RPL34: variants seen among roughly 807,000 people sequenced by gnomAD.
The protein encoded by RPL34 is large ribosomal subunit protein eL34.
A neutral mutation model predicts 16.3 loss-of-function variants in RPL34; 2 were observed. The observed-to-expected ratio is 0.12, with a 90% CI of 0.05 to 0.39. The LOEUF is 0.39. Among genes scored for constraint, RPL34 ranks in the 10% least tolerant of loss-of-function variants. The probability of loss-of-function intolerance (pLI) is 0.99; values close to 1 mark genes in which losing one functional copy is unlikely to be tolerated. For synonymous variants in RPL34, 47 were observed against 48.5 expected (o/e 0.97, Z 0.13); for missense variants, 82 against 148.8 (o/e 0.55, Z 2.33).
chr4:108,629,729 C>A (rs1231956932), downstream of RPL34, among the ~76,000 whole-genome samples: 3 of 152,278 alleles, frequency 2.0e-5, no homozygotes, highest in African/African-American at 7.2e-5. Context: ...TGAAAGGGTT[C>A]TTTTACCCTT....
intron 1 of RPL34, chr4:108,621,342 A>G (rs1189658283): frequency 6.5e-6 from 1 of 153,394 alleles, no homozygotes; most frequent in Admixed American, 6.5e-5. Flanking sequence ...AAGTGGGAAG[A>G]AAGCAGGTGC....
intron 4 of RPL34, among the ~76,000 whole-genome samples, chr4:108,624,158 A>G (rs1249699347): frequency 6.6e-6 from 1 of 152,194 alleles, no homozygotes; most frequent in Non-Finnish European, 1.5e-5. Flanking sequence ...TATCTCCTGA[A>G]GATTTGAATT....
downstream of RPL34, among the ~76,000 whole-genome samples, chr4:108,626,660 A>G (rs1213197639): frequency 3.9e-5 from 6 of 151,938 alleles, no homozygotes; most frequent in Admixed American, 1.3e-4. Context: ...GTTCATCTTG[A>G]ACTCTTGATC....
chr4:108,622,653 A>G (rs774054082), intron 4 of RPL34, 35 bp downstream of exon 4: 2 of 1,335,394 alleles, frequency 1.5e-6, no homozygotes, highest in Non-Finnish European at 2.1e-6. Context: ...TTCCTTAGCA[A>G]ATTATTGTGT....
chr4:108,620,680 C>T, intron 1 of RPL34, 80 bp downstream of exon 1: 1 of 233,292 alleles, frequency 4.3e-6, no homozygotes, highest in Non-Finnish European at 9.0e-6. Context: ...AAGCCTAGAG[C>T]TCTCAGAAGC....
downstream of RPL34, among the ~76,000 whole-genome samples, chr4:108,625,710 A>C (rs1318642562): frequency 1.3e-5 from 2 of 152,144 alleles, no homozygotes; most frequent in Non-Finnish European, 2.9e-5. Context: ...CTGAAGAAAC[A>C]GTTGGTGGTC....
chr4:108,625,299 G>T lies in RPL34; in HGVS notation c.*87G>T. ...TTCTGTTGTAATGTGTTAGTATACA[G>T]ATTTTGTTTCTGTATGGTATTTGGG... On this transcript the variant is annotated 3_prime_UTR_variant, in exon 5 of 5. Coordinates refer to ENST00000394667, the MANE Select transcript of RPL34 (RefSeq NM_001319236.2). 1 of 736,238 alleles carries T rather than the reference G, an allele frequency of 1.4e-6. No individual in the cohort carries two copies. The allele number at this position is 736,238 out of a possible 1,614,324, so 45.6% of individuals were successfully genotyped here.
chr4:108,621,697 G>T, intron 1 of RPL34: 1 of 405,188 alleles, frequency 2.5e-6, no homozygotes. Flanking sequence ...TAGACTCTGA[G>T]TAAGGAGCCT....
chr4:108,622,140 A>G lies in RPL34; in HGVS notation c.101A>G (p.Tyr34Cys), dbSNP rs755080146. Residue 34 changes from tyrosine to cysteine, a missense_variant, in exon 3 of 5, where the codon TAT becomes TGT. Tyr to Cys is a radical substitution (Grantham distance 194, BLOSUM62 -2). Transcript: ENST00000394667. ...CCTGGTAATAGAATTGTTTACCTTT[A>G]TACCAAGAAGGTTGGGAAAGCACCA... ...RTPGNRIVYL[Y>C]TKKVGKAPKS... The G allele has an allele frequency of 2.5e-6, 4 of 1,613,974 alleles. No homozygotes were observed. Among genetic ancestry groups the G allele is most frequent in the Non-Finnish European group, 3.4e-6 (4 of 1,179,948 alleles).
intron 3 of RPL34, 99 bp from the exon 4 acceptor site, chr4:108,622,416 C>T (rs1725822787): frequency 7.7e-6 from 7 of 911,674 alleles, no homozygotes; most frequent in Non-Finnish European, 1.2e-5. Context: ...TACACCATTT[C>T]CCTTTGTAAC....
chr4:108,628,821 C>CTAT (rs1231883525), downstream of RPL34, among the ~76,000 whole-genome samples: 4 of 151,810 alleles, frequency 2.6e-5, no homozygotes, highest in East Asian at 1.9e-4. Context: ...TCACTACTTA[C>CTAT]TATTATTATT....
chr4:108,625,149 C>T lies in RPL34; in HGVS notation c.291C>T (p.Ile97=), dbSNP rs752038538. 2.5e-6 allele frequency: 4 copies of T among 1,609,230 alleles called. No homozygotes were observed. Among genetic ancestry groups the T allele is most frequent in the East Asian group, 2.2e-5 (1 of 44,848 alleles). ...CTAGGATCAAGCGTGCTTTCCTTAT[C>T]GAGGAGCAGAAAATCGTTGTGAAAG... is the stretch of plus-strand genomic sequence containing the variant. ...VRDRIKRAFL[I]EEQKIVVKVL... Residue 97 remains isoleucine (I), a synonymous_variant, in exon 5 of 5, where the codon ATC becomes ATT. Transcript: ENST00000394667.
chr4:108,626,500 GCGTAC>G (rs1726006321), downstream of RPL34, among the ~76,000 whole-genome samples: 1 of 147,372 alleles, frequency 6.8e-6, no homozygotes, highest in African/African-American at 2.5e-5. Flanking sequence ...CCAGGCTGGA[GCGTAC>G]TGGCTCGATT....
At chr4:108,627,892 C>CACTTGTACTGTGATTGGCTGT (rs2110368851), downstream of RPL34, among the ~76,000 whole-genome samples, 1 of 151,976 alleles carries the variant, frequency 6.6e-6, no homozygotes, top group South Asian at 2.1e-4. Context: ...AACCACAGTA[C>CACTTGTACTGTGATTGGCTGT]ACTTGATTGG....
At chr4:108,627,506 T>C (rs3943734), downstream of RPL34, among the ~76,000 whole-genome samples, 149,140 of 152,332 alleles carry the variant, frequency 0.98, 73,016 homozygotes, top group East Asian at 1. Flanking sequence ...TTTTAATTAG[T>C]GTTTTGCAGA....
intron 4 of RPL34, among the ~76,000 whole-genome samples, chr4:108,624,348 G>A (rs1212107076): frequency 6.6e-6 from 1 of 152,128 alleles, no homozygotes; most frequent in African/African-American, 2.4e-5. Context: ...TTGAGGGTAG[G>A]GTTTGATAAC....
chr4:108,624,633 G>A (rs1041684937), intron 4 of RPL34, among the ~76,000 whole-genome samples: 2 of 152,184 alleles, frequency 1.3e-5, no homozygotes, highest in African/African-American at 4.8e-5. Flanking sequence ...AACTTGTCCA[G>A]TGTGCAGCTA....
downstream of RPL34, among the ~76,000 whole-genome samples, chr4:108,625,893 T>A (rs1377946741): frequency 1.3e-5 from 2 of 152,222 alleles, no homozygotes; most frequent in African/African-American, 4.8e-5. Context: ...GCAAGTTTCA[T>A]AGGATAGAAA....
chr4:108,624,280 A>G (rs1339930210), intron 4 of RPL34, among the ~76,000 whole-genome samples: 2 of 152,212 alleles, frequency 1.3e-5, no homozygotes, highest in African/African-American at 2.4e-5. Flanking sequence ...ATTCAGTTGT[A>G]TGTGTCTCTG....
Sources: allele counts gnomAD v4.1 joint callset (sites outside exome capture counted in the v4.1 genomes callset), GRCh38; gene constraint gnomAD v4.1.1; transcripts MANE v1.5; gene names NCBI Gene and HGNC (gene_info 2026-07-23, HGNC 2026-07-21).